TPR: variants seen among roughly 807,000 people sequenced by gnomAD.
TPR encodes nucleoprotein TPR.
A neutral mutation model predicts 316.1 loss-of-function variants in TPR; 51 were observed. The observed-to-expected ratio is 0.16, with a 90% CI of 0.13 to 0.20. The LOEUF is 0.20. TPR is among the 10% of genes least tolerant of loss of function. The probability of loss-of-function intolerance (pLI) is 1.00; values close to 1 mark genes in which losing one functional copy is unlikely to be tolerated. For synonymous variants in TPR, 981 were observed against 914.7 expected (o/e 1.07, Z -1.31); for missense variants, 2,272 against 2,754.8 (o/e 0.82, Z 3.92).
chr1:186,363,257 C>T, intron 5 of TPR, 85 bp downstream of exon 5: 1 of 1,188,634 alleles, frequency 8.4e-7, no homozygotes, highest in Admixed American at 2.3e-5. Context: ...CTTTTAATTA[C>T]TTTATTGCCT....
chr1:186,315,228 AC>A (rs201777417), intron 49 of TPR, among the ~76,000 whole-genome samples: 540 of 150,388 alleles, frequency 3.6e-3, no homozygotes, highest in African/African-American at 0.012. Flanking sequence ...AAACAAACAA[AC>A]AAAAAAAAAA....
At chr1:186,348,727 A>G (rs1301563117) in intron 21 of TPR, among the ~76,000 whole-genome samples, 1 of 152,152 alleles carries the variant, frequency 6.6e-6, no homozygotes, top group East Asian at 1.9e-4. Flanking sequence ...GCCGACACTC[A>G]TAGAAAATAG....
chr1:186,350,580 G>C (rs1184356465), intron 20 of TPR, among the ~76,000 whole-genome samples, 192 bp from the exon 21 acceptor site: 1 of 152,042 alleles, frequency 6.6e-6, no homozygotes, highest in Non-Finnish European at 1.5e-5. Context: ...GAAAACCAAA[G>C]AGGTGAACCT....
At chr1:186,371,982 C>T (rs1245805476) in intron 2 of TPR, among the ~76,000 whole-genome samples, 1 of 152,098 alleles carries the variant, frequency 6.6e-6, no homozygotes, top group Non-Finnish European at 1.5e-5. Context: ...TCAAATTCCT[C>T]GGCACTACTA....
chr1:186,334,273 T>C, intron 36 of TPR, 52 bp downstream of exon 36: 1 of 1,490,396 alleles, frequency 6.7e-7, no homozygotes, highest in Non-Finnish European at 9.1e-7. Context: ...TGTCATCTTC[T>C]CATAATAAAT....
intron 18 of TPR, among the ~76,000 whole-genome samples, chr1:186,353,163 T>C (rs12139138): frequency 2.6e-5 from 4 of 152,094 alleles, no homozygotes; most frequent in Non-Finnish European, 4.4e-5. Context: ...ACGAGGTCAG[T>C]AGATCGAGAC....
chr1:186,329,196 A>G lies in TPR; in HGVS notation c.5689-1536T>C, dbSNP rs557192125. Among the ~76,000 whole-genome samples, 5 of 152,336 alleles carry G rather than the reference A, an allele frequency of 3.3e-5. No homozygotes were observed. The East Asian group carries it at 9.6e-4, about 29-fold the overall frequency. On this transcript the variant is annotated intron_variant, in intron 39 of 50. Coordinates refer to ENST00000367478, the MANE Select transcript of TPR (RefSeq NM_003292.3). ...GACAATTTTGCTAATTTCAAGAAAA[A>G]GCTTTTGCAGAAGATTTCAGTATAA...
At chr1:186,316,687 T>C (rs1012114524) in intron 49 of TPR, among the ~76,000 whole-genome samples, 3 of 152,222 alleles carry the variant, frequency 2.0e-5, no homozygotes, top group Admixed American at 1.3e-4. Flanking sequence ...AGTGTAATCG[T>C]TGCTTGTCCG....
At chr1:186,336,113 C>T (rs1016719421) in intron 33 of TPR, among the ~76,000 whole-genome samples, 22 of 152,134 alleles carry the variant, frequency 1.4e-4, no homozygotes, top group Non-Finnish European at 2.2e-4. Flanking sequence ...GGGTCCTCCA[C>T]CAAACGAGGC....
intron 21 of TPR, among the ~76,000 whole-genome samples, chr1:186,347,796 C>T (rs1002084556): frequency 2.0e-5 from 3 of 152,050 alleles, no homozygotes; most frequent in Non-Finnish European, 2.9e-5. Flanking sequence ...TCAGGGACCC[C>T]GAATGGAGGG....
rs1571596399 is a variant in TPR at position 186,317,523 on chromosome 1, A to C, written c.6899T>G (p.Leu2300Arg). The change falls in exon 49 of 51, where the codon CTC becomes CGC. Residue 2300 changes from leucine (L) to arginine (R), a missense_variant. By Grantham distance (102) the Leu-to-Arg change is moderately radical. This residue lies in a region of TPR where 123 missense variants were observed against 142.3 expected (regional missense o/e 0.86). Transcript: ENST00000367478. ...EPVQASDESDLPSTSQDPPSS... is the reference protein window; with the variant it reads ...EPVQASDESDRPSTSQDPPSS... ...AGGAGGATCCTGGCTGGTGGAGGGG[A>C]GATCTGACTCATCAGATGCTTGAAC... 6.2e-7 allele frequency: 1 copy of C among 1,614,102 alleles called. No homozygotes were observed.
chr1:186,370,882 A>G (rs569515146), intron 3 of TPR, 88 bp downstream of exon 3: 3 of 1,141,870 alleles, frequency 2.6e-6, no homozygotes, highest in South Asian at 1.4e-5. Flanking sequence ...ACATCTTCCC[A>G]TTGACTAATA....
intron 46 of TPR, 44 bp downstream of exon 46, chr1:186,320,268 C>A: frequency 6.7e-7 from 1 of 1,500,606 alleles, no homozygotes; most frequent in Non-Finnish European, 9.1e-7. Context: ...AGTTTATTAC[C>A]AAATACATAC....
chr1:186,338,761 C>T (rs1020523769), intron 30 of TPR, among the ~76,000 whole-genome samples: 12 of 152,252 alleles, frequency 7.9e-5, no homozygotes, highest in African/African-American at 2.6e-4. Flanking sequence ...GTTTGCCAAC[C>T]CCTGTCCTAT....
chr1:186,332,600 C>G (rs926031772), intron 37 of TPR, among the ~76,000 whole-genome samples: 1 of 152,044 alleles, frequency 6.6e-6, no homozygotes, highest in Non-Finnish European at 1.5e-5. Flanking sequence ...CTTAATAAAG[C>G]CAGCCAATTT....
Position 186,359,793 on chromosome 1 carries a change from A to C in TPR, c.1389+6T>G. Reference sequence around the variant, plus strand: ...ACCACGGCTAAATTTTAGGAATGGAACCAACCTTCATAGCTTGTTCAAGCT... The same window carrying C: ...ACCACGGCTAAATTTTAGGAATGGACCCAACCTTCATAGCTTGTTCAAGCT... On this transcript the variant is annotated splice_donor_region_variant and intron_variant, in intron 12 of 50. Coordinates refer to ENST00000367478, the MANE Select transcript of TPR (RefSeq NM_003292.3). The C allele has an allele frequency of 6.3e-7, 1 of 1,575,668 alleles. No homozygotes were observed. Among genetic ancestry groups the C allele is most frequent in the Non-Finnish European group, 8.6e-7 (1 of 1,169,364 alleles).
chr1:186,327,500 T>C lies in TPR; in HGVS notation c.5849A>G (p.Asp1950Gly). The C allele has an allele frequency of 1.2e-6, 2 of 1,610,706 alleles. No individual in the cohort carries two copies. Among genetic ancestry groups the C allele is most frequent in the South Asian group, 1.1e-5 (1 of 90,970 alleles). ...GDDVIVIDSD[D>G]EEEDDDENDG... ...ATTTTCATCATCATCCTCTTCTTCA[T>C]CATCACTGTCAATTACAATGACATC... The change falls in exon 40 of 51, where the codon GAT becomes GGT. Residue 1950 changes from aspartate to glycine, a missense_variant. Physicochemically the swap from Asp to Gly is moderately conservative, Grantham distance 94 (BLOSUM62 -1). Around this residue, in one of 10 missense-constraint regions of TPR, gnomAD observed 435 missense variants for 461.1 expected, o/e 0.94. Transcript: ENST00000367478.
intron 4 of TPR, among the ~76,000 whole-genome samples, chr1:186,364,315 A>G (rs1339177907): frequency 6.6e-6 from 1 of 152,092 alleles, no homozygotes; most frequent in Non-Finnish European, 1.5e-5. Context: ...TGTACCACAG[A>G]TTGAGGACTG....
At chr1:186,357,682 T>C in intron 13 of TPR, 59 bp from the exon 14 acceptor site, 1 of 1,458,578 alleles carries the variant, frequency 6.9e-7, no homozygotes, top group Non-Finnish European at 9.3e-7. Context: ...TGGACAAGTT[T>C]AGAATGAAAG....
Sources: allele counts gnomAD v4.1 joint callset (sites outside exome capture counted in the v4.1 genomes callset), GRCh38; gene constraint gnomAD v4.1.1; regional missense constraint gnomAD v4.1.1; transcripts MANE v1.5; gene names NCBI Gene and HGNC (gene_info 2026-07-23, HGNC 2026-07-21).